NT5DC3: variants seen among roughly 807,000 people sequenced by gnomAD.
NT5DC3 encodes the protein 5'-nucleotidase domain containing 3, also known as 5'-nucleotidase domain-containing protein 3.
NT5DC3 carries 42 observed loss-of-function variants against 67.8 expected under a neutral mutation model. The ratio of observed to expected loss-of-function variants is 0.62; its 90% CI spans 0.48 to 0.80. The LOEUF (loss-of-function observed/expected upper bound fraction) is 0.80. Among genes scored for constraint, NT5DC3 ranks in the 30% least tolerant of loss-of-function variants. NT5DC3 has a pLI of 0.00. For missense variants in NT5DC3, 570 were observed against 696.4 expected (o/e 0.82, Z 2.04); for synonymous variants, 237 against 255.6 (o/e 0.93, Z 0.69).
chr12:103,819,076 A>G (rs1887384715), intron 1 of NT5DC3, among the ~76,000 whole-genome samples: 1 of 152,210 alleles, frequency 6.6e-6, no homozygotes, highest in African/African-American at 2.4e-5. Flanking sequence ...TGAAGCCCTC[A>G]AGGAAAAACT....
At chr12:103,836,566 A>C (rs965670714) in intron 1 of NT5DC3, among the ~76,000 whole-genome samples, 1 of 152,236 alleles carries the variant, frequency 6.6e-6, no homozygotes, top group Non-Finnish European at 1.5e-5. Context: ...CTTTAGGCTA[A>C]AACAGTTTCT....
the NT5DC3 span, among the ~76,000 whole-genome samples, chr12:103,753,998 C>G: frequency 6.6e-6 from 1 of 152,194 alleles, no homozygotes; most frequent in African/African-American, 2.4e-5. Flanking sequence ...AACTAGAAGT[C>G]CTACCCATTT....
At chr12:103,751,411 A>G in the NT5DC3 span, among the ~76,000 whole-genome samples, 2 of 152,146 alleles carry the variant, frequency 1.3e-5, no homozygotes, top group Non-Finnish European at 2.9e-5. Flanking sequence ...CTAACAATGG[A>G]CACAGAATAG....
chr12:103,804,743 C>A (rs537790664), intron 4 of NT5DC3, among the ~76,000 whole-genome samples: 17 of 152,260 alleles, frequency 1.1e-4, no homozygotes, highest in African/African-American at 4.1e-4. Context: ...AATAATCGCA[C>A]GGCACTACCT....
intron 4 of NT5DC3, among the ~76,000 whole-genome samples, chr12:103,801,847 G>A (rs900925100): frequency 1.1e-4 from 16 of 152,212 alleles, no homozygotes; most frequent in African/African-American, 1.7e-4. Flanking sequence ...TGTGAGGCAC[G>A]AAGCCCAGCA....
Position 103,836,810 on chromosome 12 carries a change from C to G in NT5DC3, c.208+4139G>C, listed in dbSNP as rs558368607. On this transcript the variant is annotated intron_variant, in intron 1 of 13. Coordinates refer to ENST00000392876, the MANE Select transcript of NT5DC3 (RefSeq NM_001031701.3). The stretch of plus-strand genomic sequence containing the variant: ...CCTGTGGCTTTGCAGGGTACAGCCT[C>G]CCTCCCAGCTGCTTTCACGGGTGGG... Among the ~76,000 whole-genome samples the G allele has an allele frequency of 6.6e-3, 1,002 of 152,238 alleles. 3 individuals carry two copies. The highest frequency in any genetic ancestry group is 8.3e-3 in the Non-Finnish European group (563 of 68,010).
chr12:103,759,285 T>A, the NT5DC3 span: 1 of 1,611,828 alleles, frequency 6.2e-7, no homozygotes, highest in East Asian at 2.2e-5. Flanking sequence ...TACAAAGTCT[T>A]CTGGGCTTCT....
chr12:103,780,345 G>T lies in NT5DC3; in HGVS notation c.1349C>A (p.Ser450Ter), dbSNP rs377334056. ...TTTCCACTCCTGCAAAACCAGCTGT[G>T]ACTCAGCATCTCTGTGAACCTGTAG... is the stretch of plus-strand genomic sequence containing the variant. ...EQMQVHRDAE[S>*]QLVLQEWKKE... Residue 450 changes from serine (S) to a stop codon, truncating the protein, a stop_gained, in exon 13 of 14, where the codon TCA becomes TAA. Transcript: ENST00000392876. LOFTEE classifies it high-confidence loss of function. 3.7e-6 allele frequency: 6 copies of T among 1,614,070 alleles called. No individual in the cohort carries two copies. Among genetic ancestry groups the T allele is most frequent in the Non-Finnish European group, 5.1e-6 (6 of 1,179,952 alleles).
At chr12:103,766,468 T>C (rs1435981650), downstream of NT5DC3, 8 of 1,053,136 alleles carry the variant, frequency 7.6e-6, no homozygotes, top group East Asian at 5.1e-5. Flanking sequence ...TCTCTCTGGC[T>C]GATCTGGGGG....
intron 1 of NT5DC3, among the ~76,000 whole-genome samples, chr12:103,820,459 G>A (rs1887446638): frequency 1.3e-5 from 2 of 152,216 alleles, no homozygotes; most frequent in African/African-American, 4.8e-5. Context: ...TTCTGGTACA[G>A]AAGTCAGACA....
At chr12:103,780,118 A>C (rs1294339679) in intron 13 of NT5DC3, among the ~76,000 whole-genome samples, 182 bp downstream of exon 13, 1 of 152,170 alleles carries the variant, frequency 6.6e-6, no homozygotes. Flanking sequence ...CCTCAAGGAA[A>C]TTTGTCACAT....
intron 1 of NT5DC3, among the ~76,000 whole-genome samples, chr12:103,815,949 C>G (rs2139424150): frequency 6.6e-6 from 1 of 152,176 alleles, no homozygotes; most frequent in Non-Finnish European, 1.5e-5. Flanking sequence ...CATCTCACCA[C>G]CCAGAAAAAA....
At chr12:103,836,611 TGAG>T in intron 1 of NT5DC3, among the ~76,000 whole-genome samples, 1 of 152,348 alleles carries the variant, frequency 6.6e-6, no homozygotes, top group South Asian at 2.1e-4. Context: ...CCTACAGTTT[TGAG>T]GAGTACTGGT....
chr12:103,828,825 A>G (rs1887805952), intron 1 of NT5DC3, among the ~76,000 whole-genome samples: 1 of 151,854 alleles, frequency 6.6e-6, no homozygotes, highest in African/African-American at 2.4e-5. Flanking sequence ...CGGCCTCCCA[A>G]GTAGCTGGGA....
downstream of NT5DC3, chr12:103,770,488 G>A (rs904379114): frequency 7.9e-5 from 12 of 151,108 alleles, no homozygotes; most frequent in Non-Finnish European, 1.3e-4. Context: ...AGACTGGATT[G>A]CAGTAGCTCA....
At chr12:103,833,883 A>G (rs73175813) in intron 1 of NT5DC3, among the ~76,000 whole-genome samples, 4,161 of 152,330 alleles carry the variant, frequency 0.027, 87 homozygotes, top group Middle Eastern at 0.088. Context: ...ACGCAACATT[A>G]AAGCACAACA....
At chr12:103,834,111 T>C (rs1026080224) in intron 1 of NT5DC3, among the ~76,000 whole-genome samples, 2 of 151,990 alleles carry the variant, frequency 1.3e-5, no homozygotes, top group Admixed American at 6.6e-5. Flanking sequence ...CCCCTGGCTG[T>C]GACAAAAAGG....
At chr12:103,767,584 CTAAA>C (rs1172666501), downstream of NT5DC3, among the ~76,000 whole-genome samples, 4 of 152,136 alleles carry the variant, frequency 2.6e-5, no homozygotes, top group African/African-American at 9.7e-5. Flanking sequence ...GACATGATAA[CTAAA>C]TAATACATCA....
chr12:103,822,501 C>A (rs1189633980), intron 1 of NT5DC3, among the ~76,000 whole-genome samples: 1 of 152,240 alleles, frequency 6.6e-6, no homozygotes, highest in African/African-American at 2.4e-5. Context: ...AATGTCTCTA[C>A]TGTCTTTATT....
Sources: allele counts gnomAD v4.1 joint callset (sites outside exome capture counted in the v4.1 genomes callset), GRCh38; gene constraint gnomAD v4.1.1; transcripts MANE v1.5; gene names NCBI Gene and HGNC (gene_info 2026-07-23, HGNC 2026-07-21).